Variants in TBCD observed in about 807,000 individuals in gnomAD.
TBCD encodes the protein tubulin-specific chaperone D.
In TBCD, 105 loss-of-function variants were observed where a neutral mutation model predicts 169.3. The ratio of observed to expected loss-of-function variants is 0.62; its 90% CI spans 0.53 to 0.73. The LOEUF is 0.73. Among genes scored for constraint, TBCD ranks in the 30% least tolerant of loss-of-function variants. The probability of loss-of-function intolerance (pLI) is 0.00; values close to 1 mark genes in which losing one functional copy is unlikely to be tolerated. For missense variants in TBCD, 1,444 were observed against 1,600.1 expected (o/e 0.90, Z 1.66); for synonymous variants, 700 against 643.9 (o/e 1.09, Z -1.32).
intron 13 of TBCD, among the ~76,000 whole-genome samples, chr17:82,816,721 A>G (rs1181649128): frequency 1.3e-5 from 2 of 150,988 alleles, no homozygotes; most frequent in Non-Finnish European, 2.9e-5. Flanking sequence ...TAGTTTTGTT[A>G]GAGACAGGGC....
In TBCD at chr17:82,859,226, AAG is replaced by A. The variant is rs369223305; in HGVS notation, c.1319-10993_1319-10992del. 1.0e-4 allele frequency among the ~76,000 whole-genome samples: 15 copies of A among 143,460 alleles called. No individual in the cohort carries two copies. The South Asian group carries it at 1.4e-3, about 13-fold the overall frequency. 94.1% of individuals were successfully genotyped at this position (143,460 alleles called of 152,430 possible). A position where few individuals can be genotyped will look rare whatever the true frequency, so the allele number is the denominator to read the frequency against. On this transcript the variant is annotated intron_variant, in intron 13 of 38. Transcript: ENST00000355528. ...TCCTCCCCGCACTGGCTTTCAGGGAAAGAGAGTCTCGTGGGTCGTCTGGCCTG... is the reference window on the plus strand; with the variant it reads ...TCCTCCCCGCACTGGCTTTCAGGGAAAGAGTCTCGTGGGTCGTCTGGCCTG...
intron 19 of TBCD, among the ~76,000 whole-genome samples, chr17:82,904,468 C>CA (rs1274711798): frequency 6.6e-6 from 1 of 152,240 alleles, no homozygotes. Flanking sequence ...ATGGGAGACT[C>CA]AAAGTCTGCC....
At chr17:82,855,233 TG>T (rs2056155267) in intron 13 of TBCD, among the ~76,000 whole-genome samples, 1 of 102,598 alleles carries the variant, frequency 9.7e-6, no homozygotes, top group African/African-American at 3.8e-5. Context: ...GAAAGGTGTT[TG>T]CTTTTTTTTT....
At chr17:82,850,578 CTGTTGGCTGTCCTGT>C (rs2055706066) in intron 13 of TBCD, among the ~76,000 whole-genome samples, 17 of 115,490 alleles carry the variant, frequency 1.5e-4, no homozygotes, top group Admixed American at 1.2e-3. Flanking sequence ...GGCTGTGCTG[CTGTTGGCTGTCCTGT>C]TGTTGGCTGT....
chr17:82,841,697 G>A (rs74002553), intron 13 of TBCD, among the ~76,000 whole-genome samples: 3,109 of 152,270 alleles, frequency 0.02, 102 homozygotes, highest in African/African-American at 0.07. Flanking sequence ...AACAAGCACC[G>A]TTTTATTACG....
chr17:82,876,613 A>T (rs1411367521), intron 14 of TBCD, among the ~76,000 whole-genome samples: 1 of 152,244 alleles, frequency 6.6e-6, no homozygotes, highest in Non-Finnish European at 1.5e-5. Context: ...TAAATGTCCA[A>T]ATCAGGACAG....
At chr17:82,812,701 G>A (rs1429653957) in intron 12 of TBCD, among the ~76,000 whole-genome samples, 3 of 152,132 alleles carry the variant, frequency 2.0e-5, no homozygotes, top group African/African-American at 7.2e-5. Flanking sequence ...GCACCACCAC[G>A]CTTGGCTAAT....
At chr17:82,849,302 C>T (rs1329785292) in intron 13 of TBCD, among the ~76,000 whole-genome samples, 3 of 152,088 alleles carry the variant, frequency 2.0e-5, no homozygotes, top group African/African-American at 4.8e-5. Flanking sequence ...TTCTCCACCT[C>T]GATGTCCCCC....
intron 14 of TBCD, among the ~76,000 whole-genome samples, chr17:82,873,212 A>G (rs2057734464): frequency 6.6e-6 from 1 of 152,090 alleles, no homozygotes; most frequent in Non-Finnish European, 1.5e-5. Context: ...TCAGCCTCAT[A>G]TTTTGTCTAA....
chr17:82,881,611 C>A (rs1394812341), intron 14 of TBCD, among the ~76,000 whole-genome samples: 1 of 152,212 alleles, frequency 6.6e-6, no homozygotes, highest in Non-Finnish European at 1.5e-5. Context: ...ACGTGCCCTC[C>A]TGGCTTTGCC....
chr17:82,775,971 C>A (rs2048572685), intron 6 of TBCD, among the ~76,000 whole-genome samples: 1 of 152,156 alleles, frequency 6.6e-6, no homozygotes, highest in Admixed American at 6.5e-5. Context: ...AATCCCAGCA[C>A]TTTGGGAGGC....
At chr17:82,857,390 T>G (rs2056398524) in intron 13 of TBCD, among the ~76,000 whole-genome samples, 1 of 152,236 alleles carries the variant, frequency 6.6e-6, no homozygotes, top group African/African-American at 2.4e-5. Flanking sequence ...TTGCAAGTAT[T>G]TTCTCCCATT....
chr17:82,757,159 C>G (rs181583844), intron 2 of TBCD, among the ~76,000 whole-genome samples: 1 of 152,328 alleles, frequency 6.6e-6, no homozygotes, highest in African/African-American at 2.4e-5. Context: ...GGCTTCATAG[C>G]CCAGTTTCAC....
In TBCD at chr17:82,789,804, G is replaced by A. The variant is rs564963102; in HGVS notation, c.772-7953G>A. Among the ~76,000 whole-genome samples the A allele has an allele frequency of 5.9e-5, 9 of 152,244 alleles. No individual in the cohort carries two copies. In the South Asian group the frequency reaches 8.3e-4, roughly 14 times the overall value. ...CCTTCTGTGGACCCGTTGGGTACACGTGTGACACTTCAGAACCCGCAAGTC... is the reference window on the plus strand; with the variant it reads ...CCTTCTGTGGACCCGTTGGGTACACATGTGACACTTCAGAACCCGCAAGTC... On this transcript the variant is annotated intron_variant, in intron 7 of 38. Coordinates refer to ENST00000355528, the MANE Select transcript of TBCD (RefSeq NM_005993.5). The surrounding 1 kb of genome is among the most constrained non-coding windows in gnomAD (Gnocchi z 4.8).
chr17:82,800,948 T>C lies in TBCD; in HGVS notation c.902T>C (p.Val301Ala), dbSNP rs1288934477. ...TLLRKLGVKL[V>A]QRLGLTFLKP... ...CTGCGGAAGCTGGGGGTGAAGCTTG[T>C]GCAGCGACTGGGGCTGACATTCCTG... The change falls in exon 9 of 39, where the codon GTG becomes GCG. Residue 301 changes from valine (V) to alanine (A), a missense_variant. Coordinates refer to ENST00000355528, the MANE Select transcript of TBCD (RefSeq NM_005993.5). 1 of 1,611,278 alleles carries C rather than the reference T, an allele frequency of 6.2e-7. No individual in the cohort carries two copies.
At chr17:82,896,451 C>G (rs1238899792) in intron 17 of TBCD, among the ~76,000 whole-genome samples, 6 of 128,762 alleles carry the variant, frequency 4.7e-5, no homozygotes, top group African/African-American at 1.8e-4. Context: ...GCTGTGCTGT[C>G]AGTTTTTTTT....
chr17:82,844,213 G>GTGTGTGTGTGTGTGTGTGTGTGTA lies in TBCD; in HGVS notation c.1319-25988_1319-25987insATGTGTGTGTGTGTGTGTGTGTGT, dbSNP rs1430282780. Among the ~76,000 whole-genome samples, 5 of 147,686 alleles carry GTGTGTGTGTGTGTGTGTGTGTGTA rather than the reference G, an allele frequency of 3.4e-5. No individual in the cohort carries two copies. In the East Asian group the frequency reaches 5.9e-4, roughly 17 times the overall value. On this transcript the variant is annotated intron_variant, in intron 13 of 38. Transcript: ENST00000355528. ...GTGGGGGTGGATGTTCTCCGTGTGTGTGTGTGTGTGTGTGTGTGTGTGTTT... is the reference window on the plus strand; with the variant it reads ...GTGGGGGTGGATGTTCTCCGTGTGTGTGTGTGTGTGTGTGTGTGTGTGTATGTGTGTGTGTGTGTGTGTGTGTTT...
intron 27 of TBCD, among the ~76,000 whole-genome samples, chr17:82,926,044 C>T (rs571296232): frequency 2.5e-3 from 7 of 2,764 alleles, no homozygotes; most frequent in Admixed American, 0.012. Flanking sequence ...TGGAGGTGAC[C>T]TCTCCCCGGG....
chr17:82,920,602 A>G lies in TBCD; in HGVS notation c.2085A>G (p.Arg695=). 1 of 1,550,528 alleles carries G rather than the reference A, an allele frequency of 6.4e-7. No homozygotes were observed. The highest frequency in any genetic ancestry group is 8.7e-7 in the Non-Finnish European group (1 of 1,147,688). ...TGTCACTTTCCAAAATGCCCTTTAG[A>G]GGTGACACCGTAATTGGTAAGTGCT... The part of the protein sequence containing the change: ...EKLSLSKMPF[R]GDTVIDGWQW... The change falls in exon 24 of 39, where the codon AGA becomes AGG. Residue 695 remains arginine (R), a synonymous_variant. Coordinates refer to ENST00000355528, the MANE Select transcript of TBCD (RefSeq NM_005993.5). The surrounding 1 kb of genome is among the most constrained non-coding windows in gnomAD (Gnocchi z 4.1).
Sources: allele counts gnomAD v4.1 joint callset (sites outside exome capture counted in the v4.1 genomes callset), GRCh38; gene constraint gnomAD v4.1.1; non-coding constraint Gnocchi (gnomAD v3.1); transcripts MANE v1.5; gene names NCBI Gene and HGNC (gene_info 2026-07-23, HGNC 2026-07-21).